GPHN: variants seen among roughly 807,000 people sequenced by gnomAD.
GPHN encodes gephyrin.
A neutral mutation model predicts 95.5 loss-of-function variants in GPHN; 17 were observed. The observed-to-expected ratio is 0.18, with a 90% CI of 0.12 to 0.27. GPHN has a LOEUF of 0.27. Ranked by LOEUF, GPHN falls within the 10% of genes least tolerant of loss-of-function variation. GPHN has a pLI of 1.00. For missense variants in GPHN, 660 were observed against 978.1 expected (o/e 0.67, Z 4.34); for synonymous variants, 320 against 322.5 (o/e 0.99, Z 0.08).
chr14:66,685,338 A>G (rs2067274204), intron 2 of GPHN, among the ~76,000 whole-genome samples: 2 of 152,210 alleles, frequency 1.3e-5, no homozygotes, highest in Non-Finnish European at 2.9e-5. Flanking sequence ...TGTCTTCCAC[A>G]ACAGTTGAAC....
At chr14:66,789,675 C>A (rs1211915096) in intron 3 of GPHN, among the ~76,000 whole-genome samples, 1 of 152,124 alleles carries the variant, frequency 6.6e-6, no homozygotes, top group Non-Finnish European at 1.5e-5. Context: ...TGTAAGAAAA[C>A]AGTGTGATGA....
intron 1 of GPHN, among the ~76,000 whole-genome samples, chr14:66,584,218 A>AT (rs1025234093): frequency 2.0e-5 from 3 of 151,942 alleles, no homozygotes. Context: ...AATGCTTGTG[A>AT]TTTTTTGCAC....
At chr14:67,540,383 T>C in the GPHN span, among the ~76,000 whole-genome samples, 3 of 152,138 alleles carry the variant, frequency 2.0e-5, no homozygotes, top group South Asian at 6.2e-4. Flanking sequence ...CCCAGCACTT[T>C]AAGAGATTGA....
At chr14:67,355,442 C>T in the GPHN span, among the ~76,000 whole-genome samples, 19 of 87,424 alleles carry the variant, frequency 2.2e-4, no homozygotes, top group African/African-American at 9.5e-4. Flanking sequence ...GAAGTAAGAC[C>T]CTGTCTCAAA....
intron 13 of GPHN, among the ~76,000 whole-genome samples, chr14:67,106,844 G>A (rs957093372): frequency 2.2e-4 from 33 of 152,042 alleles, no homozygotes; most frequent in African/African-American, 7.5e-4. Context: ...ATTGGAGTCT[G>A]TTACTAGAGA....
intron 8 of GPHN, among the ~76,000 whole-genome samples, chr14:66,956,096 A>G (rs568226177): frequency 1.4e-4 from 22 of 152,072 alleles, no homozygotes; most frequent in Non-Finnish European, 2.5e-4. Flanking sequence ...TATCTCCACT[A>G]TAATTCTTAT....
At chr14:67,712,604 A>G in the GPHN span, among the ~76,000 whole-genome samples, 3 of 152,070 alleles carry the variant, frequency 2.0e-5, no homozygotes, top group Non-Finnish European at 4.4e-5. Flanking sequence ...CTTTTAATTA[A>G]GCTGACTTTT....
chr14:67,027,166 A>G (rs936793308), intron 10 of GPHN, among the ~76,000 whole-genome samples: 3 of 152,200 alleles, frequency 2.0e-5, no homozygotes, highest in Admixed American at 6.5e-5. Context: ...GTCTTCTGTC[A>G]TCTTTCCACC....
At chr14:67,542,495 G>C in the GPHN span, among the ~76,000 whole-genome samples, 1 of 151,656 alleles carries the variant, frequency 6.6e-6, no homozygotes, top group Non-Finnish European at 1.5e-5. Flanking sequence ...TCACCTCTAA[G>C]GCAAAAAAAC....
intron 1 of GPHN, among the ~76,000 whole-genome samples, chr14:66,661,497 C>T (rs2065645199): frequency 6.6e-6 from 1 of 152,140 alleles, no homozygotes; most frequent in South Asian, 2.1e-4. Flanking sequence ...CTCTTTGGGA[C>T]TGAGTGCCTG....
intron 2 of GPHN, among the ~76,000 whole-genome samples, chr14:66,713,430 G>A (rs2069861002): frequency 6.6e-6 from 1 of 152,076 alleles, no homozygotes; most frequent in Non-Finnish European, 1.5e-5. Context: ...GCTTGTTGAA[G>A]ATCAGTTGGC....
the GPHN span, chr14:67,734,078 A>C: frequency 7.4e-6 from 3 of 405,086 alleles, no homozygotes; most frequent in Non-Finnish European, 1.4e-5. Context: ...TAAGACCTGG[A>C]AAGTCAGCAA....
At chr14:66,610,319 C>T (rs1210459302) in intron 1 of GPHN, among the ~76,000 whole-genome samples, 1 of 152,080 alleles carries the variant, frequency 6.6e-6, no homozygotes, top group African/African-American at 2.4e-5. Flanking sequence ...GTTTAGAGCA[C>T]CGCTGTCTTC....
At chr14:67,586,230 T>G in the GPHN span, 1 of 1,180,790 alleles carries the variant, frequency 8.5e-7, no homozygotes. Flanking sequence ...TTGTCTGTAA[T>G]TAGTATTCCA....
chr14:67,089,549 G>A (rs1352393958), intron 12 of GPHN, among the ~76,000 whole-genome samples: 3 of 151,924 alleles, frequency 2.0e-5, no homozygotes, highest in South Asian at 4.1e-4. Flanking sequence ...TATTCTTTCC[G>A]TTCCTACACA....
chr14:67,473,302 A>G, the GPHN span: 2 of 1,416,938 alleles, frequency 1.4e-6, no homozygotes, highest in Non-Finnish European at 1.9e-6. The surrounding 1 kb of genome is among the most constrained non-coding windows in gnomAD (Gnocchi z 6.5). Context: ...TGTGCCCTAT[A>G]GGGCTGAGGC....
intron 18 of GPHN, among the ~76,000 whole-genome samples, chr14:67,157,130 T>C (rs1481771452): frequency 6.9e-6 from 1 of 145,286 alleles, no homozygotes; most frequent in Admixed American, 6.8e-5. Flanking sequence ...AAGTAAAAGA[T>C]TTGAAAAAGT....
the GPHN span, among the ~76,000 whole-genome samples, chr14:67,231,675 A>G: frequency 6.6e-6 from 1 of 152,070 alleles, no homozygotes; most frequent in Non-Finnish European, 1.5e-5. Context: ...CATATAAATT[A>G]TACCTCAATA....
At chr14:67,092,476 G>A (rs1201098983) in intron 12 of GPHN, among the ~76,000 whole-genome samples, 5 of 151,882 alleles carry the variant, frequency 3.3e-5, no homozygotes, top group East Asian at 3.9e-4. Context: ...AGTGGCACTC[G>A]TGGGCATTGC....
Sources: allele counts gnomAD v4.1 joint callset (sites outside exome capture counted in the v4.1 genomes callset), GRCh38; gene constraint gnomAD v4.1.1; non-coding constraint Gnocchi (gnomAD v3.1); transcripts MANE v1.5; gene names NCBI Gene and HGNC (gene_info 2026-07-23, HGNC 2026-07-21).